The following B3GLCT variants were observed in gnomAD, a reference collection of about 807,000 sequenced individuals.
The protein encoded by B3GLCT is beta 3-glucosyltransferase.
In B3GLCT, 65 loss-of-function variants were observed where a neutral mutation model predicts 63.4. That is an observed-to-expected ratio of 1.03 (90% CI 0.84 to 1.26). The LOEUF is 1.26. Among genes scored for constraint, B3GLCT ranks in the 50% most tolerant of loss-of-function variants. B3GLCT has a pLI of 0.00. For synonymous variants in B3GLCT, 233 were observed against 219.2 expected (o/e 1.06, Z -0.55); for missense variants, 577 against 604.8 (o/e 0.95, Z 0.48).
intron 6 of B3GLCT, among the ~76,000 whole-genome samples, chr13:31,249,526 A>G (rs1871333353): frequency 6.6e-6 from 1 of 152,132 alleles, no homozygotes; most frequent in Non-Finnish European, 1.5e-5. Flanking sequence ...ACCTCCTCCT[A>G]GTGTTCATTT....
rs971611348 is a variant in B3GLCT at position 31,221,026 on chromosome 13, G to A, written c.121-1926G>A. On this transcript the variant is annotated intron_variant, in intron 2 of 14. Transcript: ENST00000343307. ...GCTTCCCGAGGAAGGCTGGGCAGGCGTTATCATGGCGGTGTGAGGAAGAGC... is the reference window on the plus strand; with the variant it reads ...GCTTCCCGAGGAAGGCTGGGCAGGCATTATCATGGCGGTGTGAGGAAGAGC... 4.6e-5 allele frequency among the ~76,000 whole-genome samples: 7 copies of A among 152,288 alleles called. No individual in the cohort carries two copies. The South Asian group carries it at 8.3e-4, about 18-fold the overall frequency.
At chr13:31,325,239 A>G (rs1466796774) in intron 14 of B3GLCT, among the ~76,000 whole-genome samples, 2 of 152,188 alleles carry the variant, frequency 1.3e-5, no homozygotes, top group African/African-American at 4.8e-5. Flanking sequence ...GTCAGTTAGA[A>G]GATACTTACT....
rs1363415209 is a variant in B3GLCT, at chr13:31,286,784, A to T, written c.1029A>T (p.Ala343=). 2 of 1,613,268 alleles carry T rather than the reference A, an allele frequency of 1.2e-6. No individual in the cohort carries two copies. The part of the protein sequence containing the change: ...RFLNRSQDKT[A]WLVIVDDDTL... ...TGAATCGTAGCCAGGACAAAACAGC[A>T]TGGTTAGTCATTGTGGATGATGATA... Residue 343 remains alanine, a synonymous_variant, in exon 12 of 15, where the codon GCA becomes GCT. Coordinates refer to ENST00000343307, the MANE Select transcript of B3GLCT (RefSeq NM_194318.4).
chr13:31,273,905 C>G (rs1212065457), intron 8 of B3GLCT, among the ~76,000 whole-genome samples: 1 of 152,154 alleles, frequency 6.6e-6, no homozygotes, highest in African/African-American at 2.4e-5. Flanking sequence ...AGGGGGATTG[C>G]TGTTGGTCAC....
chr13:31,312,026 C>A (rs947977797), intron 12 of B3GLCT, among the ~76,000 whole-genome samples: 19 of 152,206 alleles, frequency 1.2e-4, no homozygotes, highest in Non-Finnish European at 2.6e-4. Context: ...TGGTCTGGGG[C>A]AGGCAGTCCC....
intron 12 of B3GLCT, chr13:31,311,544 C>G (rs1268606840): frequency 6.6e-6 from 1 of 152,220 alleles, no homozygotes; most frequent in African/African-American, 2.4e-5. Flanking sequence ...TAAGCATATT[C>G]TTTCTCAACC....
chr13:31,319,929 C>T (rs1186002194), intron 13 of B3GLCT, among the ~76,000 whole-genome samples: 1 of 152,200 alleles, frequency 6.6e-6, no homozygotes, highest in Non-Finnish European at 1.5e-5. Context: ...TTCTTTCCTT[C>T]TTTCCCCACT....
At chr13:31,282,555 T>C (rs2137873585) in intron 10 of B3GLCT, among the ~76,000 whole-genome samples, 1 of 150,320 alleles carries the variant, frequency 6.7e-6, no homozygotes, top group Admixed American at 6.7e-5. Flanking sequence ...AGCAGGAGCA[T>C]GGTGTGAACC....
chr13:31,262,631 T>A (rs78592243), intron 7 of B3GLCT, among the ~76,000 whole-genome samples: 179 of 152,292 alleles, frequency 1.2e-3, no homozygotes, highest in African/African-American at 4.2e-3. Flanking sequence ...GACCAGGAGC[T>A]CCCAGGACAT....
intron 10 of B3GLCT, 100 bp from the exon 11 acceptor site, chr13:31,284,548 A>G: frequency 1.3e-6 from 1 of 753,560 alleles, no homozygotes; most frequent in Admixed American, 1.9e-5. Context: ...AACAACCAGT[A>G]ATGTTTCTCT....
chr13:31,271,449 G>A (rs1252604557), intron 8 of B3GLCT, among the ~76,000 whole-genome samples: 3 of 152,034 alleles, frequency 2.0e-5, no homozygotes, highest in African/African-American at 7.3e-5. Context: ...GTGTATCATG[G>A]TGATCATCTG....
chr13:31,262,122 T>C (rs1285874848), intron 7 of B3GLCT, among the ~76,000 whole-genome samples: 6 of 152,184 alleles, frequency 3.9e-5, no homozygotes, highest in East Asian at 1.9e-4. Flanking sequence ...TCGTTTGCAG[T>C]TGACAGCGGC....
chr13:31,269,050 C>T (rs577090451), intron 7 of B3GLCT, among the ~76,000 whole-genome samples, 164 bp from the exon 8 acceptor site: 13 of 152,194 alleles, frequency 8.5e-5, no homozygotes, highest in African/African-American at 2.2e-4. Context: ...GTCAGCCAGC[C>T]GTTGGGTTTT....
chr13:31,286,207 T>C (rs144405066), intron 11 of B3GLCT, among the ~76,000 whole-genome samples: 49 of 152,360 alleles, frequency 3.2e-4, no homozygotes, highest in African/African-American at 9.6e-4. Flanking sequence ...TCTTTAGTGC[T>C]TAGTACCTGC....
At chr13:31,241,236 C>G (rs569314443) in intron 4 of B3GLCT, among the ~76,000 whole-genome samples, 1 of 152,216 alleles carries the variant, frequency 6.6e-6, no homozygotes, top group Non-Finnish European at 1.5e-5. Flanking sequence ...TTAAGGCAGA[C>G]GGAGGCCAGG....
At chr13:31,200,272 C>G in intron 1 of B3GLCT, 118 bp downstream of exon 1, 2 of 452,472 alleles carry the variant, frequency 4.4e-6, no homozygotes, top group Non-Finnish European at 5.9e-6. Context: ...GCCCCGCCGG[C>G]GCGCGCGTCC....
intron 10 of B3GLCT, among the ~76,000 whole-genome samples, chr13:31,282,066 CA>C (rs1236186680): frequency 6.6e-6 from 1 of 152,082 alleles, no homozygotes; most frequent in African/African-American, 2.4e-5. Flanking sequence ...AAGAGGCATT[CA>C]CTATTATTAT....
At chr13:31,200,211 C>T in intron 1 of B3GLCT, 57 bp downstream of exon 1, 2 of 1,097,078 alleles carry the variant, frequency 1.8e-6, no homozygotes, top group Non-Finnish European at 2.2e-6. Flanking sequence ...CGGGCACAGT[C>T]GCCCGTGCCC....
At chr13:31,290,938 G>T (rs1873623781) in intron 12 of B3GLCT, among the ~76,000 whole-genome samples, 1 of 152,160 alleles carries the variant, frequency 6.6e-6, no homozygotes, top group African/African-American at 2.4e-5. Context: ...CTTTGCCCAT[G>T]CCTATGTCCT....
Sources: gnomAD v4.1 joint callset for allele counts (sites outside exome capture counted in the v4.1 genomes callset) on GRCh38, gnomAD v4.1.1 for gene constraint, MANE v1.5 for transcripts, NCBI Gene and HGNC (gene_info 2026-07-23, HGNC 2026-07-21) for gene names.